The following PRAM1 variants were observed in gnomAD, a reference collection of about 807,000 sequenced individuals.
PRAM1 encodes the protein PML-RARA-regulated adapter molecule 1.
PRAM1 carries 41 observed loss-of-function variants against 55.3 expected under a neutral mutation model. The ratio of observed to expected loss-of-function variants is 0.74; its 90% CI spans 0.58 to 0.96. The LOEUF (loss-of-function observed/expected upper bound fraction) is 0.96. Ranked by LOEUF, PRAM1 falls within the 40% of genes least tolerant of loss-of-function variation. The probability of loss-of-function intolerance (pLI) is 0.00; values close to 1 mark genes in which losing one functional copy is unlikely to be tolerated. For missense variants in PRAM1, 898 were observed against 892.7 expected (o/e 1.01, Z -0.08); for synonymous variants, 401 against 387.1 (o/e 1.04, Z -0.42).
chr19:8,492,477 T>C (rs1432611162), intron 4 of PRAM1, among the ~76,000 whole-genome samples: 1 of 145,638 alleles, frequency 6.9e-6, no homozygotes, highest in Non-Finnish European at 1.5e-5. Context: ...GGCTGGTCTC[T>C]AACTCCTGAC....
intron 3 of PRAM1, 30 bp from the exon 4 acceptor site, chr19:8,497,870 C>CTTTTTT (rs58671333): frequency 2.5e-3 from 907 of 358,634 alleles, no homozygotes; most frequent in South Asian, 6.5e-3. Flanking sequence ...GAGGCCTCTT[C>CTTTTTT]TTTTTTTTTT....
chr19:8,491,185 G>A (rs774778313), intron 4 of PRAM1, 28 bp from the exon 5 acceptor site: 2 of 1,602,292 alleles, frequency 1.2e-6, no homozygotes, highest in African/African-American at 2.7e-5. Flanking sequence ...TCCGAGTCAA[G>A]GCAGGGCCCG....
chr19:8,498,900 C>G lies in PRAM1; in HGVS notation c.908G>C (p.Ser303Thr). The change falls in exon 2 of 10, where the codon AGC (serine) becomes ACC (threonine). Residue 303 changes from serine to threonine, a missense_variant. By Grantham distance (58) the Ser-to-Thr change is moderately conservative. This residue lies in a region of PRAM1 where 787 missense variants were observed against 735.4 expected (regional missense o/e 1.07). Transcript: ENST00000423345. ...LTRTSSEPEV[S>T]VLPKRPRPAE... ...CGGCCGCGGCCTCTTGGGAAGCACG[C>G]TGACTTCGGGCTCTGAGGAGGTCCT... 9 of 1,613,366 alleles carry G rather than the reference C, an allele frequency of 5.6e-6. No homozygotes were observed. The highest frequency in any genetic ancestry group is 1.7e-5 in the Admixed American group (1 of 59,974).
At chr19:8,495,905 G>A in intron 4 of PRAM1, 2 of 357,294 alleles carry the variant, frequency 5.6e-6, no homozygotes, top group Middle Eastern at 3.8e-4. Flanking sequence ...CAAGGTGCTT[G>A]CCTGGAAGCT....
At chr19:8,495,628 G>A (rs1286628685) in intron 4 of PRAM1, among the ~76,000 whole-genome samples, 1 of 151,980 alleles carries the variant, frequency 6.6e-6, no homozygotes, top group Non-Finnish European at 1.5e-5. Flanking sequence ...GGACAGGCAG[G>A]CAAGGTGCTT....
Position 8,498,577 on chromosome 19 carries a change from C to G in PRAM1, c.1231G>C (p.Gly411Arg). 6.2e-7 allele frequency: 1 copy of G among 1,612,568 alleles called. No individual in the cohort carries two copies. The highest frequency in any genetic ancestry group is 8.5e-7 in the Non-Finnish European group (1 of 1,179,670). The change falls in exon 2 of 10, where the codon GGA becomes CGA. Residue 411 changes from glycine to arginine, a missense_variant. Gly to Arg is a moderately radical substitution (Grantham distance 125). Transcript: ENST00000423345. ...SSRHPLSPGF[G>R]AAGTPRWRSG... ...CTCCAGCGGGGTGTCCCAGCCGCTC[C>G]AAACCCAGGGCTGAGCGGGTGCCGG... is the stretch of plus-strand genomic sequence containing the variant.
rs370417724 is a variant in PRAM1, at chr19:8,499,734, G to C, written c.74C>G (p.Ser25Cys). Reference protein sequence around the residue: ...FRSIKAKFQASQPEPSDLPKK... With the variant: ...FRSIKAKFQACQPEPSDLPKK... ...GGGCAGGTCGCTGGGCTCCGGCTGA[G>C]AGGCCTGGAACTTTGCTTTGATGCT... is the stretch of plus-strand genomic sequence containing the variant. Residue 25 changes from serine (S) to cysteine (C), a missense_variant, in exon 2 of 10, where the codon TCT becomes TGT. Ser to Cys is a moderately radical substitution (Grantham distance 112, BLOSUM62 -1). Transcript: ENST00000423345. 3 of 1,613,362 alleles carry C rather than the reference G, an allele frequency of 1.9e-6. No individual in the cohort carries two copies. The African/African-American group carries it at 4.0e-5, about 22-fold the overall frequency.
In PRAM1 at chr19:8,497,774, G is replaced by A. The variant is rs763855714; in HGVS notation, c.1566C>T (p.Pro522=). Residue 522 remains proline (P), a synonymous_variant, in exon 4 of 10, where the codon CCC becomes CCT. Transcript: ENST00000423345. ...VEPRDDSSPS[P]KGRDEAPSVQ... ...AGGCCACCAACAAACCTCTGCCCTT[G>A]GGGCTGGGGCTGGAGTCATCTCTGG... 80 of 1,610,564 alleles carry A rather than the reference G, an allele frequency of 5.0e-5. No individual in the cohort carries two copies. Among genetic ancestry groups the A allele is most frequent in the Non-Finnish European group, 6.5e-5 (77 of 1,178,976 alleles).
intron 1 of PRAM1, among the ~76,000 whole-genome samples, chr19:8,501,626 G>A (rs1007055301): frequency 4.0e-5 from 6 of 150,876 alleles, no homozygotes; most frequent in African/African-American, 1.5e-4. Context: ...AACATGGTAG[G>A]TGCTCAGTAA....
intron 4 of PRAM1, among the ~76,000 whole-genome samples, chr19:8,496,473 C>T (rs1971700916): frequency 6.6e-6 from 1 of 151,940 alleles, no homozygotes; most frequent in African/African-American, 2.4e-5. Context: ...GACTGTAATC[C>T]CAGCACTTGT....
rs1264331322 is a variant in PRAM1 at position 8,498,361 on chromosome 19, C to T, written c.1432+15G>A. The T allele has an allele frequency of 3.2e-6, 5 of 1,582,270 alleles. No homozygotes were observed. In the South Asian group the frequency reaches 4.6e-5, roughly 14 times the overall value. ...TCAGCCCCCGCTCCTGCCGGTGCCG[C>T]CCGCCCTCACCCACCTATGGATGCT... is the stretch of plus-strand genomic sequence containing the variant. On this transcript the variant is annotated intron_variant, in intron 2 of 9. Transcript: ENST00000423345.
At chr19:8,491,397 C>T (rs552420533) in intron 4 of PRAM1, 8 of 587,394 alleles carry the variant, frequency 1.4e-5, no homozygotes, top group Non-Finnish European at 2.1e-5. Flanking sequence ...CCACACCTGG[C>T]TGATTTTTGT....
At chr19:8,491,553 G>A in intron 4 of PRAM1, 1 of 310,318 alleles carries the variant, frequency 3.2e-6, no homozygotes, top group Non-Finnish European at 6.2e-6. Flanking sequence ...TCTTGAGTAA[G>A]GCCTCCCTGT....
chr19:8,496,820 G>C lies in PRAM1; in HGVS notation c.1576+944C>G, dbSNP rs529869263. 3.0e-4 allele frequency among the ~76,000 whole-genome samples: 45 copies of C among 152,120 alleles called. 1 individual carries two copies. Among genetic ancestry groups the C allele is most frequent in the African/African-American group, 9.9e-4 (41 of 41,532 alleles). ...TGGGAGGCCAAGGCAGGTGGATCAC[G>C]AGGTCAGGAGATCGAGACCACGGTG... On this transcript the variant is annotated intron_variant, in intron 4 of 9. Transcript: ENST00000423345.
rs546942995 is a variant in PRAM1 at position 8,498,284 on chromosome 19, G to A, written c.1438C>T (p.Arg480Trp). 31 of 1,611,974 alleles carry A rather than the reference G, an allele frequency of 1.9e-5. No individual in the cohort carries two copies. The African/African-American group carries it at 2.4e-4, about 12-fold the overall frequency. ...RRPSAASIDL[R>W]RTRSAAGLHF... The stretch of plus-strand genomic sequence containing the variant: ...AGCCCAGCGGCCGAGCGGGTCCTCC[G>A]TAGATCTGTGGGGTAGAGAGTAGGG... The change falls in exon 3 of 10, where the codon CGG becomes TGG. Residue 480 changes from arginine to tryptophan, a missense_variant. Physicochemically the swap from Arg to Trp is moderately radical, Grantham distance 101 (BLOSUM62 -3). Transcript: ENST00000423345.
Position 8,498,410 on chromosome 19 carries a change from C to T in PRAM1, c.1398G>A (p.Met466Ile). Residue 466 changes from methionine (M) to isoleucine (I), a missense_variant, in exon 2 of 10, where the codon ATG becomes ATA. By Grantham distance (10) the Met-to-Ile change is conservative. Coordinates refer to ENST00000423345, the MANE Select transcript of PRAM1 (RefSeq NM_032152.5). ...KPPLPPGPVD[M>I]QSFRRPSAAS... ...CTGCAGAGGGTCTCCGAAAGCTCTG[C>T]ATATCCACGGGCCCCGGGGGCAGCG... The T allele has an allele frequency of 6.3e-7, 1 of 1,578,394 alleles. No individual in the cohort carries two copies. Among genetic ancestry groups the T allele is most frequent in the Non-Finnish European group, 8.6e-7 (1 of 1,160,266 alleles).
Position 8,490,595 on chromosome 19 carries a change from T to A in PRAM1, c.1905A>T (p.Lys635Asn). 6.3e-7 allele frequency: 1 copy of A among 1,587,114 alleles called. No individual in the cohort carries two copies. The highest frequency in any genetic ancestry group is 8.6e-7 in the Non-Finnish European group (1 of 1,166,742). Residue 635 changes from lysine (K) to asparagine (N), a missense_variant and splice_region_variant, in exon 7 of 10, where the codon AAA becomes AAT. By Grantham distance (94) the Lys-to-Asn change is moderately conservative. This residue lies in a region of PRAM1 where 787 missense variants were observed against 735.4 expected (regional missense o/e 1.07). Transcript: ENST00000423345. The surrounding 1 kb of genome is among the most constrained non-coding windows in gnomAD (Gnocchi z 7.3). ...EEMLCRDPKG[K>N]YGYVPRTALL... The stretch of plus-strand genomic sequence containing the variant: ...GGCTGCGGGGCCGGGCGCACTCACA[T>A]TTGCCTTTGGGGTCCCGGCACAGCA...
At chr19:8,501,098 CTTT>C (rs35262115) in intron 1 of PRAM1, among the ~76,000 whole-genome samples, 3 of 118,164 alleles carry the variant, frequency 2.5e-5, no homozygotes, top group African/African-American at 3.7e-5. Flanking sequence ...TTCTTTCTTT[CTTT>C]TTTTTTTTTT....
chr19:8,496,555 T>C (rs1210071017), intron 4 of PRAM1, among the ~76,000 whole-genome samples: 1 of 150,538 alleles, frequency 6.6e-6, no homozygotes, highest in Non-Finnish European at 1.5e-5. Flanking sequence ...TGAAACCCCA[T>C]ATCTACTAAA....
Sources: allele counts gnomAD v4.1 joint callset (sites outside exome capture counted in the v4.1 genomes callset), GRCh38; gene constraint gnomAD v4.1.1; regional missense constraint gnomAD v4.1.1; non-coding constraint Gnocchi (gnomAD v3.1); transcripts MANE v1.5; gene names NCBI Gene and HGNC (gene_info 2026-07-23, HGNC 2026-07-21).